DIP2A: variants seen among roughly 807,000 people sequenced by gnomAD.
DIP2A encodes the protein disco-interacting protein 2 homolog A.
DIP2A carries 85 observed loss-of-function variants against 177.4 expected under a neutral mutation model. The ratio of observed to expected loss-of-function variants is 0.48; its 90% CI spans 0.40 to 0.57. DIP2A has a LOEUF of 0.57. Ranked by LOEUF, DIP2A falls within the 20% of genes least tolerant of loss-of-function variation. DIP2A has a pLI of 0.00. For synonymous variants in DIP2A, 886 were observed against 881.8 expected (o/e 1.00, Z -0.08); for missense variants, 1,791 against 2,100.2 (o/e 0.85, Z 2.88).
At chr21:46,480,137 A>C (rs952532807) in intron 1 of DIP2A, among the ~76,000 whole-genome samples, 3 of 150,436 alleles carry the variant, frequency 2.0e-5, no homozygotes, top group Non-Finnish European at 4.4e-5. Context: ...TCATGCTGCT[A>C]ACAAACACGT....
At chr21:46,527,569 A>G (rs1252327704) in intron 8 of DIP2A, among the ~76,000 whole-genome samples, 1 of 151,296 alleles carries the variant, frequency 6.6e-6, no homozygotes, top group Non-Finnish European at 1.5e-5. Flanking sequence ...CAGATGATCC[A>G]CCCATCTTGG....
the DIP2A span, among the ~76,000 whole-genome samples, chr21:46,576,400 T>A: frequency 0.048 from 7,284 of 152,210 alleles, 584 homozygotes; most frequent in African/African-American, 0.16. Context: ...CTGCGTTAGT[T>A]TGCTGGGGAT....
chr21:46,539,643 C>G (rs1265390238), intron 16 of DIP2A: 2 of 542,098 alleles, frequency 3.7e-6, no homozygotes, highest in African/African-American at 3.8e-5. Context: ...AGTGATGCCC[C>G]TTCTGCCCTT....
intron 3 of DIP2A, among the ~76,000 whole-genome samples, chr21:46,491,729 A>G (rs1295057386): frequency 6.6e-6 from 1 of 152,072 alleles, no homozygotes; most frequent in Non-Finnish European, 1.5e-5. Flanking sequence ...GGTCCTAGAA[A>G]AGGTCTCCTC....
rs976061362 is a variant in DIP2A, at chr21:46,499,974, C to T, written c.655+1141C>T. On this transcript the variant is annotated intron_variant, in intron 5 of 37. Coordinates refer to ENST00000417564, the MANE Select transcript of DIP2A (RefSeq NM_015151.4). ...AAACTGAAAGGTGACACCTGTGACACGCTGGTGTTTGTGCTGGGGTCCCCA... is the reference window on the plus strand; with the variant it reads ...AAACTGAAAGGTGACACCTGTGACATGCTGGTGTTTGTGCTGGGGTCCCCA... Among the ~76,000 whole-genome samples, 10 of 152,286 alleles carry T rather than the reference C, an allele frequency of 6.6e-5. 1 individual carries two copies. In the South Asian group the frequency reaches 1.0e-3, roughly 16 times the overall value.
At chr21:46,577,883 CT>C in the DIP2A span, among the ~76,000 whole-genome samples, 1 of 152,162 alleles carries the variant, frequency 6.6e-6, no homozygotes, top group Non-Finnish European at 1.5e-5. Context: ...GTATTTTATT[CT>C]CTTTGTAGCA....
At chr21:46,513,776 A>G (rs1333736691) in intron 8 of DIP2A, among the ~76,000 whole-genome samples, 1 of 152,130 alleles carries the variant, frequency 6.6e-6, no homozygotes, top group Non-Finnish European at 1.5e-5. Context: ...TCATTGGAGC[A>G]TTTTGGATTT....
At chr21:46,508,194 C>G (rs564879104) in intron 6 of DIP2A, among the ~76,000 whole-genome samples, 1 of 151,614 alleles carries the variant, frequency 6.6e-6, no homozygotes, top group East Asian at 2.0e-4. Flanking sequence ...CCACCACATC[C>G]AGATAATTTT....
intron 1 of DIP2A, among the ~76,000 whole-genome samples, chr21:46,477,878 C>T (rs968669634): frequency 1.5e-4 from 23 of 151,822 alleles, no homozygotes; most frequent in Non-Finnish European, 2.5e-4. Context: ...CCACCACGCC[C>T]GGCCATCTTT....
chr21:46,517,107 A>G (rs2058621346), intron 8 of DIP2A, among the ~76,000 whole-genome samples: 1 of 113,950 alleles, frequency 8.8e-6, no homozygotes, highest in African/African-American at 3.4e-5. Context: ...TCTGTTGCCC[A>G]CACTGGAGTG....
chr21:46,504,279 A>G, intron 5 of DIP2A, 82 bp from the exon 6 acceptor site: 2 of 1,552,736 alleles, frequency 1.3e-6, no homozygotes, highest in Non-Finnish European at 1.8e-6. Flanking sequence ...GTGGAGCTTT[A>G]GACTAACGGG....
At chr21:46,540,081 A>G in intron 17 of DIP2A, 90 bp downstream of exon 17, 1 of 1,066,948 alleles carries the variant, frequency 9.4e-7, no homozygotes, top group Non-Finnish European at 1.4e-6. Context: ...TGTGCCTGTT[A>G]GGATCCAGGC....
In DIP2A at chr21:46,538,488, G is replaced by A; in HGVS notation, c.1807G>A (p.Ala603Thr). Residue 603 changes from alanine (A) to threonine (T), a missense_variant, in exon 16 of 38, where the codon GCC becomes ACC. Physicochemically the swap from Ala to Thr is moderately conservative, Grantham distance 58. Transcript: ENST00000417564. ...GTGCCATCCTCTCTCTGCAGCTCGG[G>A]CCGCGCTGGTGAAGTCGCGAGACAT... ...IQKVCFYKAR[A>T]ALVKSRDMHW... 1 of 1,545,004 alleles carries A rather than the reference G, an allele frequency of 6.5e-7. No individual in the cohort carries two copies. The highest frequency in any genetic ancestry group is 8.7e-7 in the Non-Finnish European group (1 of 1,147,750).
chr21:46,504,324 C>G, intron 5 of DIP2A, 37 bp from the exon 6 acceptor site: 1 of 1,611,214 alleles, frequency 6.2e-7, no homozygotes, highest in Non-Finnish European at 8.5e-7. Context: ...TTTGACTTAA[C>G]AGCCACTTTC....
downstream of DIP2A, among the ~76,000 whole-genome samples, chr21:46,573,398 G>A (rs983543450): frequency 6.6e-6 from 1 of 151,956 alleles, no homozygotes; most frequent in Non-Finnish European, 1.5e-5. Context: ...AGTGGCTCAT[G>A]TCTGTAATCC....
intron 32 of DIP2A, among the ~76,000 whole-genome samples, chr21:46,559,403 C>T (rs2060590107): frequency 6.6e-6 from 1 of 152,238 alleles, no homozygotes; most frequent in African/African-American, 2.4e-5. Flanking sequence ...TTTGCTTGGC[C>T]TTGTGCCTCC....
At chr21:46,477,543 T>TTTTGTGTGTGTGTGTGTGTGTG (rs374607636) in intron 1 of DIP2A, among the ~76,000 whole-genome samples, 2,103 of 87,068 alleles carry the variant, frequency 0.024, 102 homozygotes, top group African/African-American at 0.061. Context: ...AAAAAAAGAT[T>TTTTGTGTGTGTGTGTGTGTGTG]TGTGTGTGTG....
intron 18 of DIP2A, 57 bp downstream of exon 18, chr21:46,541,952 G>C (rs1313507359): frequency 3.1e-6 from 5 of 1,608,124 alleles, no homozygotes; most frequent in African/African-American, 1.3e-5. Flanking sequence ...TAACGAAAAG[G>C]GTTTTGTTTT....
chr21:46,576,624 C>T, the DIP2A span, among the ~76,000 whole-genome samples: 7 of 152,034 alleles, frequency 4.6e-5, no homozygotes, highest in South Asian at 2.1e-4. Context: ...ATTTATATTC[C>T]GCTGGGTATA....
Sources: allele counts gnomAD v4.1 joint callset (sites outside exome capture counted in the v4.1 genomes callset), GRCh38; gene constraint gnomAD v4.1.1; transcripts MANE v1.5; gene names NCBI Gene and HGNC (gene_info 2026-07-23, HGNC 2026-07-21).